The following DCN variants were observed in gnomAD, a reference collection of about 807,000 sequenced individuals.
DCN encodes decorin.
A neutral mutation model predicts 36.5 loss-of-function variants in DCN; 17 were observed. The ratio of observed to expected loss-of-function variants is 0.47; its 90% CI spans 0.32 to 0.70. The LOEUF is 0.70. Ranked by LOEUF, DCN falls within the 30% of genes least tolerant of loss-of-function variation. The pLI is 0.04. For missense variants in DCN, 389 were observed against 430.1 expected, an observed-to-expected ratio of 0.90 and a Z score of 0.84; for synonymous variants, 163 against 161.4, an observed-to-expected ratio of 1.01 and a Z score of -0.07.
intron 1 of DCN, chr12:91,180,288 A>AG (rs1883513154): frequency 7.9e-6 from 1 of 126,538 alleles, no homozygotes. Context: ...ATATTAAAAA[A>AG]AAGAAGAAAG....
At chr12:91,164,781 G>T in intron 2 of DCN, 64 bp from the exon 3 acceptor site, 1 of 820,456 alleles carries the variant, frequency 1.2e-6, no homozygotes, top group Non-Finnish European at 2.2e-6. Flanking sequence ...GAATCACACA[G>T]CATATATTTA....
intron 2 of DCN, among the ~76,000 whole-genome samples, chr12:91,170,777 C>T (rs565230643): frequency 2.6e-5 from 4 of 152,114 alleles, no homozygotes; most frequent in South Asian, 2.1e-4. Flanking sequence ...AACACCAAGC[C>T]GGAAGTAAAT....
intron 1 of DCN, among the ~76,000 whole-genome samples, chr12:91,182,245 A>G (rs548160426): frequency 1.5e-4 from 23 of 152,208 alleles, no homozygotes; most frequent in Admixed American, 1.1e-3. Context: ...AAAGTCCTTA[A>G]AGCAATCAAA....
rs1339479069 is a variant in DCN at position 91,143,855 on chromosome 12, T to C, written c.*2203A>G. On this transcript the variant is annotated 3_prime_UTR_variant, in exon 8 of 8. Coordinates refer to ENST00000052754, the MANE Select transcript of DCN (RefSeq NM_001920.5). ...ATATATATATAAAGATATATATGTG[T>C]GTATATATATAAAGATATATATGTG... The C allele has an allele frequency of 1.3e-5, 2 of 148,646 alleles. No homozygotes were observed. The highest frequency in any genetic ancestry group is 3.0e-5 in the Non-Finnish European group (2 of 67,292). 9.2% of individuals were successfully genotyped at this position (148,646 alleles called of 1,614,324 possible).
In DCN at chr12:91,148,089, T is replaced by C. The variant is rs192938357; in HGVS notation, c.886-1837A>G. On this transcript the variant is annotated intron_variant, in intron 7 of 7. Transcript: ENST00000052754. ...CAACAAGGTCTTTTTTTTTTTTTTT[T>C]CTGAGACGGAGTCTCGCGCTGTTAT... is the stretch of plus-strand genomic sequence containing the variant. Among the ~76,000 whole-genome samples the C allele has an allele frequency of 5.5e-3, 822 of 148,564 alleles. 2 individuals carry two copies. The highest frequency in any genetic ancestry group is 0.02 in the African/African-American group (790 of 39,600).
intron 2 of DCN, chr12:91,169,518 A>G (rs1882811439): frequency 6.6e-6 from 1 of 152,104 alleles, no homozygotes; most frequent in Admixed American, 6.5e-5. Context: ...TTTTTCAGAG[A>G]AACATACTGG....
Position 91,146,005 on chromosome 12 carries a change from A to G in DCN, c.*53T>C. On this transcript the variant is annotated 3_prime_UTR_variant, in exon 8 of 8. Transcript: ENST00000052754. ...ATCTAGCTTTTATTTATTTTTTAGC[A>G]ATGACATTAACAAGATTTTGCCAGG... 1.4e-6 allele frequency: 2 copies of G among 1,392,620 alleles called. No homozygotes were observed. The highest frequency in any genetic ancestry group is 2.0e-6 in the Non-Finnish European group (2 of 978,192). The allele number at this position is 1,392,620 out of a possible 1,614,324, so 86.3% of individuals were successfully genotyped here. A position where few individuals can be genotyped will look rare whatever the true frequency, so the allele number is the denominator to read the frequency against.
At chr12:91,157,302 A>AC (rs1421157594) in intron 4 of DCN, 114 bp from the exon 5 acceptor site, 45 of 771,696 alleles carry the variant, frequency 5.8e-5, no homozygotes, top group Non-Finnish European at 8.7e-5. Context: ...TATCAACTTG[A>AC]CTAAAAAACA....
At chr12:91,160,874 T>C (rs1386285453) in intron 3 of DCN, among the ~76,000 whole-genome samples, 2 of 152,152 alleles carry the variant, frequency 1.3e-5, no homozygotes, top group Non-Finnish European at 2.9e-5. Context: ...AATTATATAG[T>C]TTTTCCCACT....
intron 3 of DCN, among the ~76,000 whole-genome samples, chr12:91,160,374 T>C (rs1332350513): frequency 6.6e-6 from 1 of 151,860 alleles, no homozygotes; most frequent in Non-Finnish European, 1.5e-5. Context: ...ATCTGTATTA[T>C]GTTAAATGTT....
At chr12:91,169,370 G>A (rs1459720700) in intron 2 of DCN, among the ~76,000 whole-genome samples, 6 of 69,826 alleles carry the variant, frequency 8.6e-5, no homozygotes, top group African/African-American at 3.1e-4. Context: ...AACAGGGGGA[G>A]ATCCTGTCAA....
chr12:91,175,812 T>A (rs553579957), intron 2 of DCN: 1 of 152,222 alleles, frequency 6.6e-6, no homozygotes, highest in Admixed American at 6.5e-5. Flanking sequence ...CTAGAGGACA[T>A]AAAACAAATT....
Position 91,153,965 on chromosome 12 carries a change from G to A in DCN, c.653-776C>T, listed in dbSNP as rs540862688. Among the ~76,000 whole-genome samples, 15 of 152,100 alleles carry A rather than the reference G, an allele frequency of 9.9e-5. No individual in the cohort carries two copies. The East Asian group carries it at 2.7e-3, about 27-fold the overall frequency. On this transcript the variant is annotated intron_variant, in intron 5 of 7. Transcript: ENST00000052754. ...TTTTCATTTCCTCCTAGCATCTGAG[G>A]CTGTATTATATTTTATACAGCTTTT...
At chr12:91,165,510 A>T (rs1882502066) in intron 2 of DCN, among the ~76,000 whole-genome samples, 1 of 152,166 alleles carries the variant, frequency 6.6e-6, no homozygotes, top group Non-Finnish European at 1.5e-5. Context: ...GTAGTCATTC[A>T]GCTAGTCATA....
chr12:91,166,789 T>C (rs1047724428), intron 2 of DCN, among the ~76,000 whole-genome samples: 3 of 152,144 alleles, frequency 2.0e-5, no homozygotes, highest in African/African-American at 7.2e-5. Context: ...AAAAAAGGAA[T>C]ACCATCCTCA....
chr12:91,146,182 G>C lies in DCN; in HGVS notation c.956C>G (p.Thr319Ser), dbSNP rs1374629309. 2 of 1,613,372 alleles carry C rather than the reference G, an allele frequency of 1.2e-6. No individual in the cohort carries two copies. The highest frequency in any genetic ancestry group is 1.7e-6 in the Non-Finnish European group (2 of 1,179,608). Reference protein sequence around the residue: ...SSDFCPPGHNTKKASYSGVSL... With the variant: ...SSDFCPPGHNSKKASYSGVSL... ...CACACCCGAATAAGAAGCCTTTTTG[G>C]TGTTGTGTCCAGGTGGGCAGAAGTC... The change falls in exon 8 of 8, where the codon ACC becomes AGC. Residue 319 changes from threonine (T) to serine (S), a missense_variant. By Grantham distance (58) the Thr-to-Ser change is moderately conservative. Coordinates refer to ENST00000052754, the MANE Select transcript of DCN (RefSeq NM_001920.5).
chr12:91,159,798 T>C (rs1882043414), intron 3 of DCN, among the ~76,000 whole-genome samples: 1 of 152,120 alleles, frequency 6.6e-6, no homozygotes, highest in African/African-American at 2.4e-5. Flanking sequence ...CATGGTTTTA[T>C]TATTTCAAGC....
intron 7 of DCN, among the ~76,000 whole-genome samples, chr12:91,147,610 A>C (rs3138283): frequency 0.017 from 2,573 of 152,280 alleles, 67 homozygotes; most frequent in African/African-American, 0.058. Flanking sequence ...TTGGGTCTAC[A>C]TGAAATATTA....
intron 5 of DCN, 52 bp from the exon 6 acceptor site, chr12:91,153,241 A>C (rs748981512): frequency 9.9e-7 from 1 of 1,010,490 alleles, no homozygotes; most frequent in South Asian, 1.3e-5. Context: ...TTATAAGTAC[A>C]GAATGTGGAC....
Sources: gnomAD v4.1 joint callset for allele counts (sites outside exome capture counted in the v4.1 genomes callset) on GRCh38, gnomAD v4.1.1 for gene constraint, MANE v1.5 for transcripts, NCBI Gene and HGNC (gene_info 2026-07-23, HGNC 2026-07-21) for gene names.